WTAP: variants seen among roughly 807,000 people sequenced by gnomAD.
The protein encoded by WTAP is WT1 associated protein.
In WTAP, 8 loss-of-function variants were observed where a neutral mutation model predicts 50.0. That is an observed-to-expected ratio of 0.16 (90% CI 0.09 to 0.29). The LOEUF is 0.29. Among genes scored for constraint, WTAP ranks in the 10% least tolerant of loss-of-function variants. WTAP has a pLI of 1.00. For synonymous variants in WTAP, 194 were observed against 169.0 expected (o/e 1.15, Z -1.15); for missense variants, 295 against 470.7 (o/e 0.63, Z 3.45).
chr6:159,744,880 A>G (rs562600382), intron 5 of WTAP, among the ~76,000 whole-genome samples: 68 of 152,200 alleles, frequency 4.5e-4, no homozygotes, highest in African/African-American at 1.5e-3. Context: ...GGTCTTCCCT[A>G]TGTTGCCCAG....
At chr6:159,745,703 A>C (rs770803075) in intron 5 of WTAP, among the ~76,000 whole-genome samples, 7 of 152,196 alleles carry the variant, frequency 4.6e-5, no homozygotes, top group Non-Finnish European at 1.0e-4. Context: ...GTGATGGATC[A>C]GATTTAGATT....
rs1334943476 is a variant in WTAP at position 159,732,611 on chromosome 6, G to T, written c.-8-3647G>T. On this transcript the variant is annotated intron_variant, in intron 1 of 7. Coordinates refer to ENST00000621533, the MANE Select transcript of WTAP (RefSeq NM_001270531.2). ...ACACTTTGGGAGGCCAAAGCAGGTG[G>T]ATTACCTGAGGTGAGGAGTTCGAGA... Among the ~76,000 whole-genome samples, 3 of 152,274 alleles carry T rather than the reference G, an allele frequency of 2.0e-5. No homozygotes were observed. The East Asian group carries it at 5.8e-4, about 29-fold the overall frequency.
Position 159,727,623 on chromosome 6 carries a change from CG to C in WTAP, c.-83del, listed in dbSNP as rs1290088694. 7 of 985,568 alleles carry C rather than the reference CG, an allele frequency of 7.1e-6. No individual in the cohort carries two copies. Among genetic ancestry groups the C allele is most frequent in the South Asian group, 4.6e-5 (1 of 21,672 alleles). 61.1% of individuals were successfully genotyped at this position (985,568 alleles called of 1,614,324 possible). ...AGAGCTGTCCGGCTGCGCGGTGGCC[CG>C]GGGGGCCCGGGCGGCAGGGCAAGCA... is the stretch of plus-strand genomic sequence containing the variant. On this transcript the variant is annotated 5_prime_UTR_variant, in exon 1 of 8. Coordinates refer to ENST00000621533, the MANE Select transcript of WTAP (RefSeq NM_001270531.2).
chr6:159,748,075 G>T lies in WTAP; in HGVS notation c.274-116G>T. ...TTTTCTAGAGAATTTCAGGATCAAA[G>T]AGGGGAGGAGCTTAATGAAAGAGTT... On this transcript the variant is annotated intron_variant, in intron 5 of 7. Transcript: ENST00000621533. This position sits in a 1 kb window ranked among gnomAD's most constrained non-coding sequence, Gnocchi z 5.6. 1.6e-6 allele frequency: 2 copies of T among 1,271,806 alleles called. No homozygotes were observed. Among genetic ancestry groups the T allele is most frequent in the Non-Finnish European group, 2.1e-6 (2 of 931,786 alleles). 78.8% of individuals were successfully genotyped at this position (1,271,806 alleles called of 1,614,324 possible). A position where few individuals can be genotyped will look rare whatever the true frequency, so the allele number is the denominator to read the frequency against.
chr6:159,728,963 G>A (rs1383252422), intron 1 of WTAP, among the ~76,000 whole-genome samples: 1 of 152,194 alleles, frequency 6.6e-6, no homozygotes, highest in East Asian at 1.9e-4. Context: ...CCCAGGCACT[G>A]CTTATTTTTA....
At position 159,755,291 on chromosome 6, in the gene WTAP, G is replaced by A; in HGVS notation, c.871G>A (p.Gly291Arg). 6.2e-7 allele frequency: 1 copy of A among 1,614,212 alleles called. No individual in the cohort carries two copies. The highest frequency in any genetic ancestry group is 8.5e-7 in the Non-Finnish European group (1 of 1,180,044). Residue 291 changes from glycine (G) to arginine (R), a missense_variant, in exon 8 of 8, where the codon GGA (glycine) becomes AGA (arginine). Gly to Arg is a moderately radical substitution (Grantham distance 125). Coordinates refer to ENST00000621533, the MANE Select transcript of WTAP (RefSeq NM_001270531.2). ...CTCCCGCCAGAGGACGTCTGGGTCTGGATTTCACAGGGAGGGCAACACAAC... is the reference window on the plus strand; with the variant it reads ...CTCCCGCCAGAGGACGTCTGGGTCTAGATTTCACAGGGAGGGCAACACAAC... Reference protein sequence around the residue: ...SSSRQRTSGSGFHREGNTTED... With the variant: ...SSSRQRTSGSRFHREGNTTED...
intron 1 of WTAP, among the ~76,000 whole-genome samples, chr6:159,732,903 G>A (rs1399465171): frequency 1.3e-5 from 2 of 151,142 alleles, no homozygotes; most frequent in African/African-American, 4.9e-5. Flanking sequence ...GTGTGTGTGT[G>A]TGTGTGTGTG....
At chr6:159,733,251 A>G (rs1778698624) in intron 1 of WTAP, among the ~76,000 whole-genome samples, 1 of 152,230 alleles carries the variant, frequency 6.6e-6, no homozygotes, top group South Asian at 2.1e-4. Context: ...GCTCAGTGAA[A>G]CAGACTGTAT....
rs1562467773 is a variant in WTAP at position 159,753,497 on chromosome 6, C to T, written c.490C>T (p.Leu164Phe). Residue 164 changes from leucine (L) to phenylalanine (F), a missense_variant, in exon 7 of 8, where the codon CTT (leucine) becomes TTT (phenylalanine). Physicochemically the swap from Leu to Phe is conservative, Grantham distance 22 (BLOSUM62 0). Coordinates refer to ENST00000621533, the MANE Select transcript of WTAP (RefSeq NM_001270531.2). ...AAAGTTAATGGCGAAGTGTCGAATGCTTATCCAGGAGAATCAAGAGCTTGG... is the reference window on the plus strand; with the variant it reads ...AAAGTTAATGGCGAAGTGTCGAATGTTTATCCAGGAGAATCAAGAGCTTGG... ...GKKLMAKCRM[L>F]IQENQELGRQ... The T allele has an allele frequency of 6.2e-7, 1 of 1,614,178 alleles. No homozygotes were observed. Among genetic ancestry groups the T allele is most frequent in the Non-Finnish European group, 8.5e-7 (1 of 1,180,036 alleles).
rs777813035 is a variant in WTAP at position 159,730,157 on chromosome 6, C to A, written c.-9+2454C>A. Among the ~76,000 whole-genome samples, 4 of 152,284 alleles carry A rather than the reference C, an allele frequency of 2.6e-5. No individual in the cohort carries two copies. The East Asian group carries it at 7.7e-4, about 29-fold the overall frequency. On this transcript the variant is annotated intron_variant, in intron 1 of 7. Transcript: ENST00000621533. ...TTTATTAATTAATAGCTGTTTTAAT[C>A]ACCTAATAGCTGATCACCTAATGAC...
intron 1 of WTAP, among the ~76,000 whole-genome samples, chr6:159,728,303 C>T (rs1295879933): frequency 6.6e-6 from 1 of 151,940 alleles, no homozygotes; most frequent in African/African-American, 2.4e-5. Flanking sequence ...AGTCTGTGTA[C>T]ACGTAATGGA....
intron 4 of WTAP, 46 bp downstream of exon 4, chr6:159,742,192 G>T: frequency 6.9e-7 from 1 of 1,457,754 alleles, no homozygotes; most frequent in South Asian, 1.2e-5. Context: ...ATCTCCTTTT[G>T]ATTGTTAAAA....
rs941182579 is a variant in WTAP, at chr6:159,739,150, A to G, written c.86+105A>G. On this transcript the variant is annotated intron_variant, in intron 3 of 7. Transcript: ENST00000621533. ...CAGATATTGTTTTTAATGTTGTTCT[A>G]TCCTCAAATAATTTAATGTACTTTT... 3.5e-5 allele frequency: 31 copies of G among 894,672 alleles called. No homozygotes were observed. The African/African-American group carries it at 4.3e-4, about 12-fold the overall frequency. The allele number at this position is 894,672 out of a possible 1,614,324, so 55.4% of individuals were successfully genotyped here. A position where few individuals can be genotyped will look rare whatever the true frequency, so the allele number is the denominator to read the frequency against.
chr6:159,750,526 G>A (rs1252745073), intron 6 of WTAP, among the ~76,000 whole-genome samples: 1 of 151,898 alleles, frequency 6.6e-6, no homozygotes. Flanking sequence ...CTTTTTCTTG[G>A]GTATCATCAA....
chr6:159,730,824 CAG>C (rs1164606066), intron 1 of WTAP: 2 of 152,140 alleles, frequency 1.3e-5, no homozygotes, highest in African/African-American at 4.8e-5. Context: ...ATTACAAATA[CAG>C]AGTTTTATTT....
chr6:159,751,012 G>C (rs1779799646), intron 6 of WTAP, among the ~76,000 whole-genome samples: 1 of 152,206 alleles, frequency 6.6e-6, no homozygotes, highest in African/African-American at 2.4e-5. Flanking sequence ...ATGTGAGAAT[G>C]CACACATTTT....
At chr6:159,743,975 T>C in intron 5 of WTAP, among the ~76,000 whole-genome samples, 183 bp downstream of exon 5, 1 of 152,204 alleles carries the variant, frequency 6.6e-6, no homozygotes. Flanking sequence ...AGACTGTTTT[T>C]TGTGGCCAAG....
At chr6:159,727,093 C>T (rs1778213417), upstream of WTAP, 22 of 1,194,560 alleles carry the variant, frequency 1.8e-5, no homozygotes, top group Non-Finnish European at 2.0e-5. Context: ...CCTCCGACCT[C>T]GCTGGCCCGC....
In WTAP at chr6:159,732,812, C is replaced by A. The variant is rs144125200; in HGVS notation, c.-8-3446C>A. ...GCACTCCAGCCTGGGCAACAGAGAC[C>A]GGGCGCAGGGGGAGGGGGAGTGTCT... is the stretch of plus-strand genomic sequence containing the variant. On this transcript the variant is annotated intron_variant, in intron 1 of 7. Transcript: ENST00000621533. Among the ~76,000 whole-genome samples the A allele has an allele frequency of 6.3e-4, 96 of 151,572 alleles. 2 individuals carry two copies. The East Asian group carries it at 0.018, about 29-fold the overall frequency.
Sources: gnomAD v4.1 joint callset for allele counts (sites outside exome capture counted in the v4.1 genomes callset) on GRCh38, gnomAD v4.1.1 for gene constraint, Gnocchi (gnomAD v3.1) non-coding constraint, MANE v1.5 for transcripts, NCBI Gene and HGNC (gene_info 2026-07-23, HGNC 2026-07-21) for gene names.